Variants in PLCD3 observed in about 807,000 individuals in gnomAD.
The protein encoded by PLCD3 is 1-phosphatidylinositol 4,5-bisphosphate phosphodiesterase delta-3.
A neutral mutation model predicts 82.8 loss-of-function variants in PLCD3; 62 were observed. The observed-to-expected ratio is 0.75, with a 90% CI of 0.61 to 0.93. The LOEUF is 0.93. Ranked by LOEUF, PLCD3 falls within the 40% of genes least tolerant of loss-of-function variation. The pLI, the probability that PLCD3 is intolerant of heterozygous loss-of-function variation, is 0.00. For missense variants in PLCD3, 1,023 were observed against 1,103.4 expected (o/e 0.93, Z 1.03); for synonymous variants, 478 against 471.8 (o/e 1.01, Z -0.17).
rs937017799 is a variant in PLCD3, at chr17:45,132,317, G to A, written c.94C>T (p.Leu32Phe). Residue 32 changes from leucine to phenylalanine, a missense_variant, in exon 1 of 15, where the codon CTC becomes TTC. Leu to Phe is a conservative substitution (Grantham distance 22). Around this residue, in one of 3 missense-constraint regions of PLCD3, gnomAD observed 448 missense variants for 406.3 expected, o/e 1.10. Transcript: ENST00000619929. This position sits in a 1 kb window ranked among gnomAD's most constrained non-coding sequence, Gnocchi z 4.6. ...VAAQVAAPVA[L>F]PSPPTPSDGG... ...TCGGAGGGAGTCGGCGGGGACGGGAGAGCGACCGGCGCCGCGACTTGGGCT... is the reference window on the plus strand; with the variant it reads ...TCGGAGGGAGTCGGCGGGGACGGGAAAGCGACCGGCGCCGCGACTTGGGCT... 1 of 1,246,876 alleles carries A rather than the reference G, an allele frequency of 8.0e-7. No homozygotes were observed. Among genetic ancestry groups the A allele is most frequent in the South Asian group, 3.9e-5 (1 of 25,572 alleles). The allele number at this position is 1,246,876 out of a possible 1,614,324, so 77.2% of individuals were successfully genotyped here.
intron 1 of PLCD3, among the ~76,000 whole-genome samples, chr17:45,129,460 C>T (rs1202923452): frequency 6.6e-6 from 1 of 152,122 alleles, no homozygotes; most frequent in Non-Finnish European, 1.5e-5. Context: ...AGAATGAGAC[C>T]CTGTCTCATA....
At chr17:45,124,081 A>G (rs2054363428) in intron 1 of PLCD3, among the ~76,000 whole-genome samples, 1 of 151,958 alleles carries the variant, frequency 6.6e-6, no homozygotes, top group Admixed American at 6.6e-5. Flanking sequence ...CCCCTTGGCC[A>G]TGGGAAGGGG....
chr17:45,129,833 C>T (rs548126272), intron 1 of PLCD3, among the ~76,000 whole-genome samples: 5 of 152,326 alleles, frequency 3.3e-5, no homozygotes, highest in South Asian at 2.1e-4. Flanking sequence ...CCTCCTTCCC[C>T]GCTCATCTGG....
rs574073789 is a variant in PLCD3, at chr17:45,113,714, G to A, written c.1829-109C>T. 71 of 1,326,756 alleles carry A rather than the reference G, an allele frequency of 5.4e-5. No homozygotes were observed. In the East Asian group the frequency reaches 1.3e-3, roughly 25 times the overall value. 82.2% of individuals were successfully genotyped at this position (1,326,756 alleles called of 1,614,324 possible). A position where few individuals can be genotyped will look rare whatever the true frequency, so the allele number is the denominator to read the frequency against. On this transcript the variant is annotated intron_variant, in intron 11 of 14. Transcript: ENST00000619929. ...CAAAGGGCCTGGGGTCCCACTGTCT[G>A]CTTAGTGCTGCTCTGCTCCCACCAT...
chr17:45,116,904 G>A, intron 7 of PLCD3, 120 bp from the exon 8 acceptor site: 12 of 1,288,232 alleles, frequency 9.3e-6, no homozygotes, highest in Non-Finnish European at 1.1e-5. Flanking sequence ...AGAACCCAGG[G>A]AAGCAGCAGA....
rs1295431153 is a variant in PLCD3 at position 45,132,376 on chromosome 17, G to A, written c.35C>T (p.Pro12Leu). The change falls in exon 1 of 15, where the codon CCG becomes CTG. Residue 12 changes from proline to leucine, a missense_variant. This residue lies in a region of PLCD3 where 22 missense variants were observed against 41.3 expected (regional missense o/e 0.53). Transcript: ENST00000619929. This position sits in a 1 kb window ranked among gnomAD's most constrained non-coding sequence, Gnocchi z 4.6. ...LCGRWRRCRR[P>L]PEEPPVAAQV... ...GGCGGCCACCGGGGGCTCCTCGGGC[G>A]GGCGGCGGCAACGCCTCCAGCGGCC... is the stretch of plus-strand genomic sequence containing the variant. The A allele has an allele frequency of 1.6e-6, 2 of 1,228,168 alleles. No individual in the cohort carries two copies. The highest frequency in any genetic ancestry group is 3.2e-5 in the East Asian group (1 of 31,480). 76.1% of individuals were successfully genotyped at this position (1,228,168 alleles called of 1,614,324 possible).
At chr17:45,116,227 C>T (rs1160621668) in intron 8 of PLCD3, among the ~76,000 whole-genome samples, 1 of 152,176 alleles carries the variant, frequency 6.6e-6, no homozygotes, top group Admixed American at 6.5e-5. Context: ...GATAAGGCCA[C>T]AGGAAGAGGC....
intron 1 of PLCD3, among the ~76,000 whole-genome samples, chr17:45,122,514 T>C (rs2054349559): frequency 6.6e-6 from 1 of 152,180 alleles, no homozygotes; most frequent in Non-Finnish European, 1.5e-5. Context: ...GGCCCTGCAC[T>C]GCACGGCTCT....
intron 7 of PLCD3, among the ~76,000 whole-genome samples, chr17:45,117,707 A>G (rs987359485): frequency 3.9e-5 from 6 of 152,306 alleles, no homozygotes; most frequent in African/African-American, 1.4e-4. Context: ...TTTGGAAGTC[A>G]TGATTAAAAT....
chr17:45,121,200 C>A lies in PLCD3; in HGVS notation c.325+11G>T. 6.4e-7 allele frequency: 1 copy of A among 1,565,580 alleles called. No individual in the cohort carries two copies. On this transcript the variant is annotated intron_variant, in intron 2 of 14. Transcript: ENST00000619929. Reference sequence around the variant, plus strand: ...ACCTCCCTGTCCGCCCGGCGCTCCCCGGCCTCTCACAGATGTGCTGCGATG... The same window carrying A: ...ACCTCCCTGTCCGCCCGGCGCTCCCAGGCCTCTCACAGATGTGCTGCGATG...
intron 1 of PLCD3, among the ~76,000 whole-genome samples, chr17:45,121,965 A>AAC (rs974997658): frequency 6.6e-6 from 1 of 151,710 alleles, no homozygotes; most frequent in Non-Finnish European, 1.5e-5. Context: ...TTAACAAAAA[A>AAC]AAAAAAAAAT....
In PLCD3 at chr17:45,118,821, C is replaced by G; in HGVS notation, c.907G>C (p.Glu303Gln). The change falls in exon 5 of 15, where the codon GAG becomes CAG. Residue 303 changes from glutamate to glutamine, a missense_variant. Coordinates refer to ENST00000619929, the MANE Select transcript of PLCD3 (RefSeq NM_133373.5). The surrounding 1 kb of genome is among the most constrained non-coding windows in gnomAD (Gnocchi z 4.1). ...GCCGTGCCACCCCCCCCACCTGTCT[C>G]GTTGAGCTCATAGGTCTGAATGAGC... is the stretch of plus-strand genomic sequence containing the variant. Reference protein sequence around the residue: ...QQLIQTYELNETAKQHELMTL... With the variant: ...QQLIQTYELNQTAKQHELMTL... 1.2e-6 allele frequency: 2 copies of G among 1,603,292 alleles called. No individual in the cohort carries two copies. Among genetic ancestry groups the G allele is most frequent in the Non-Finnish European group, 1.7e-6 (2 of 1,173,514 alleles).
chr17:45,117,692 T>C (rs931603692), intron 7 of PLCD3, among the ~76,000 whole-genome samples: 2 of 152,236 alleles, frequency 1.3e-5, no homozygotes, highest in African/African-American at 4.8e-5. Flanking sequence ...ACAGCTTATT[T>C]ATTCTTTGGA....
At chr17:45,126,045 ATTT>A (rs71275948) in intron 1 of PLCD3, among the ~76,000 whole-genome samples, 6 of 138,606 alleles carry the variant, frequency 4.3e-5, no homozygotes, top group Admixed American at 7.2e-5. Context: ...ATTTTACCAT[ATTT>A]TTTTTTTTTT....
chr17:45,114,948 G>A, intron 10 of PLCD3, 146 bp downstream of exon 10: 8 of 1,209,034 alleles, frequency 6.6e-6, no homozygotes, highest in Non-Finnish European at 9.0e-6. Flanking sequence ...GGCATGTGCG[G>A]GGCCCTCATT....
chr17:45,118,222 C>A lies in PLCD3; in HGVS notation c.1115+69G>T, dbSNP rs953115307. ...CAGCAGGCAGGCTGGGCCAGGAAGG[C>A]CCCAGGAAGCCAGCCCATGTCTCTC... On this transcript the variant is annotated intron_variant, in intron 6 of 14. Coordinates refer to ENST00000619929, the MANE Select transcript of PLCD3 (RefSeq NM_133373.5). The surrounding 1 kb of genome is among the most constrained non-coding windows in gnomAD (Gnocchi z 4.1). The A allele has an allele frequency of 3.1e-6, 5 of 1,610,610 alleles. No individual in the cohort carries two copies. In the African/African-American group the frequency reaches 6.7e-5, roughly 22 times the overall value.
chr17:45,118,847 T>A lies in PLCD3; in HGVS notation c.881A>T (p.Gln294Leu). The part of the protein sequence containing the change: ...EEGATLARAQ[Q>L]LIQTYELNET... ...GTTGAGCTCATAGGTCTGAATGAGC[T>A]GCTGGGCGCGGGCCAGTGTGGCGCC... The change falls in exon 5 of 15, where the codon CAG becomes CTG. Residue 294 changes from glutamine (Q) to leucine (L), a missense_variant. Gln to Leu is a moderately radical substitution (Grantham distance 113). Around this residue, in one of 3 missense-constraint regions of PLCD3, gnomAD observed 448 missense variants for 406.3 expected, o/e 1.10. Transcript: ENST00000619929. The surrounding 1 kb of genome is among the most constrained non-coding windows in gnomAD (Gnocchi z 4.1). 1 of 1,611,256 alleles carries A rather than the reference T, an allele frequency of 6.2e-7. No individual in the cohort carries two copies.
chr17:45,121,964 A>C (rs964646287), intron 1 of PLCD3, among the ~76,000 whole-genome samples: 2 of 150,888 alleles, frequency 1.3e-5, no homozygotes, highest in African/African-American at 4.9e-5. Context: ...CTTAACAAAA[A>C]AAAAAAAAAA....
rs2054281637 is a variant in PLCD3 at position 45,115,370 on chromosome 17, C to T, written c.1534G>A (p.Val512Met). The T allele has an allele frequency of 2.5e-6, 4 of 1,583,660 alleles. No homozygotes were observed. Among genetic ancestry groups the T allele is most frequent in the Admixed American group, 1.8e-5 (1 of 56,256 alleles). ...EEDDEEEEEE[V>M]EAAAQRRLAK... ...AGCCGCCTCTGCGCTGCAGCCTCCA[C>T]CTCCTCTTCTTCCTCCTCGTCATCC... Residue 512 changes from valine (V) to methionine (M), a missense_variant, in exon 9 of 15, where the codon GTG (valine) becomes ATG (methionine). Around this residue, in one of 3 missense-constraint regions of PLCD3, gnomAD observed 553 missense variants for 655.7 expected, o/e 0.84. Coordinates refer to ENST00000619929, the MANE Select transcript of PLCD3 (RefSeq NM_133373.5).
Sources: allele counts gnomAD v4.1 joint callset (sites outside exome capture counted in the v4.1 genomes callset), GRCh38; gene constraint gnomAD v4.1.1; regional missense constraint gnomAD v4.1.1; non-coding constraint Gnocchi (gnomAD v3.1); transcripts MANE v1.5; gene names NCBI Gene and HGNC (gene_info 2026-07-23, HGNC 2026-07-21).